Variants in NR6A1 observed in about 807,000 individuals in gnomAD.
NR6A1 encodes the protein retinoic acid receptor-related testis-associated receptor.
Under a neutral mutation model 59.1 loss-of-function variants are expected in NR6A1, and 7 were observed. The observed-to-expected ratio is 0.12, with a 90% CI of 0.07 to 0.22. The LOEUF (loss-of-function observed/expected upper bound fraction) is 0.22. NR6A1 is among the 10% of genes least tolerant of loss of function. The pLI is 1.00. For missense variants in NR6A1, 468 were observed against 611.6 expected (o/e 0.77, Z 2.48); for synonymous variants, 243 against 236.1 (o/e 1.03, Z -0.27).
chr9:124,545,777 C>T (rs1478945395), intron 3 of NR6A1, among the ~76,000 whole-genome samples: 1 of 152,194 alleles, frequency 6.6e-6, no homozygotes, highest in Non-Finnish European at 1.5e-5. Flanking sequence ...TAAAGGGCCA[C>T]ATGTCTTAAA....
intron 6 of NR6A1, among the ~76,000 whole-genome samples, chr9:124,536,651 C>A (rs1029270392): frequency 5.5e-5 from 8 of 146,716 alleles, no homozygotes; most frequent in Non-Finnish European, 8.9e-5. Context: ...GGTGACAGAG[C>A]AAGACTCTGT....
intron 2 of NR6A1, among the ~76,000 whole-genome samples, chr9:124,631,622 A>T (rs1836443050): frequency 2.0e-5 from 3 of 152,166 alleles, no homozygotes; most frequent in Admixed American, 2.0e-4. Flanking sequence ...AAAGACAAAA[A>T]ACTAAAATCT....
intron 2 of NR6A1, among the ~76,000 whole-genome samples, chr9:124,711,492 A>C (rs375484794): frequency 1.3e-5 from 2 of 151,940 alleles, no homozygotes; most frequent in East Asian, 3.9e-4. Context: ...ATCCATGCCC[A>C]AGGAATGGAG....
At chr9:124,603,918 T>C (rs185092391) in intron 2 of NR6A1, among the ~76,000 whole-genome samples, 3 of 152,306 alleles carry the variant, frequency 2.0e-5, no homozygotes, top group Admixed American at 6.5e-5. Flanking sequence ...TTGGCTGTAA[T>C]AAATCTGACA....
In NR6A1 at chr9:124,569,131, G is replaced by GTGC. The variant is rs1044786842; in HGVS notation, c.143-14564_143-14562dup. On this transcript the variant is annotated intron_variant, in intron 2 of 9. Coordinates refer to ENST00000487099, the MANE Select transcript of NR6A1 (RefSeq NM_033334.4). ...CCATCTCAAAAAAAAATGAGCCTCA[G>GTGC]TGCTGCTGCTGCATCACCCATCCCC... Among the ~76,000 whole-genome samples, 16 of 152,116 alleles carry GTGC rather than the reference G, an allele frequency of 1.1e-4. 1 individual carries two copies. Among genetic ancestry groups the GTGC allele is most frequent in the African/African-American group, 3.9e-4 (16 of 41,428 alleles).
intron 2 of NR6A1, among the ~76,000 whole-genome samples, chr9:124,573,633 C>T (rs1392455712): frequency 3.9e-5 from 6 of 152,212 alleles, no homozygotes; most frequent in Admixed American, 3.9e-4. Context: ...TCTTCCTCCA[C>T]ATTTTTATGT....
chr9:124,741,689 T>C (rs920794829), intron 1 of NR6A1, among the ~76,000 whole-genome samples: 1 of 152,186 alleles, frequency 6.6e-6, no homozygotes, highest in Admixed American at 6.5e-5. Context: ...ATTAACACTA[T>C]GGGACAGATG....
chr9:124,519,086 C>T lies in NR6A1; in HGVS notation c.*3619G>A, dbSNP rs1283062395. On this transcript the variant is annotated 3_prime_UTR_variant, in exon 10 of 10. Transcript: ENST00000487099. ...GGAAATGGGTAACAGAGCAATGCAC[C>T]TAGCTCAGAGCCCAGGATTTTAAGG... The T allele has an allele frequency of 6.6e-6, 1 of 152,206 alleles. No homozygotes were observed. The highest frequency in any genetic ancestry group is 1.5e-5 in the Non-Finnish European group (1 of 68,056). 9.4% of individuals were successfully genotyped at this position (152,206 alleles called of 1,614,324 possible).
At chr9:124,769,478 CCTAA>C (rs954582731) in intron 1 of NR6A1, among the ~76,000 whole-genome samples, 1 of 152,192 alleles carries the variant, frequency 6.6e-6, no homozygotes, top group Non-Finnish European at 1.5e-5. Context: ...CAATTGAGCG[CCTAA>C]CTGACCTATT....
At chr9:124,560,839 G>A (rs1834066679) in intron 2 of NR6A1, among the ~76,000 whole-genome samples, 1 of 152,164 alleles carries the variant, frequency 6.6e-6, no homozygotes, top group East Asian at 1.9e-4. Context: ...GGGATTACAG[G>A]CAGGAGTCAC....
intron 2 of NR6A1, among the ~76,000 whole-genome samples, chr9:124,729,868 A>C (rs953910200): frequency 1.3e-5 from 2 of 149,756 alleles, no homozygotes; most frequent in African/African-American, 4.9e-5. Context: ...GCTGGAGTGC[A>C]ATGGCACGAT....
At chr9:124,525,338 G>A (rs566378070) in intron 8 of NR6A1, among the ~76,000 whole-genome samples, 37 of 135,806 alleles carry the variant, frequency 2.7e-4, no homozygotes, top group Admixed American at 2.4e-3. Flanking sequence ...CCTCCTATGC[G>A]CTTCTGTTCT....
At position 124,525,016 on chromosome 9, in the gene NR6A1, G is replaced by A. The variant is rs186078791; in HGVS notation, c.1202-143C>T. ...CACAACAGGAGATCTCCTCTGATAG[G>A]GAGGAACTAAGTTCTACCTAAGGGA... is the stretch of plus-strand genomic sequence containing the variant. On this transcript the variant is annotated intron_variant, in intron 8 of 9. Coordinates refer to ENST00000487099, the MANE Select transcript of NR6A1 (RefSeq NM_033334.4). 2.4e-5 allele frequency: 23 copies of A among 957,256 alleles called. No individual in the cohort carries two copies. In the Admixed American group the frequency reaches 2.8e-4, roughly 12 times the overall value. The allele number at this position is 957,256 out of a possible 1,614,324, so 59.3% of individuals were successfully genotyped here. A position where few individuals can be genotyped will look rare whatever the true frequency, so the allele number is the denominator to read the frequency against.
intron 1 of NR6A1, among the ~76,000 whole-genome samples, chr9:124,761,914 G>C (rs1247023594): frequency 6.6e-6 from 1 of 152,160 alleles, no homozygotes; most frequent in African/African-American, 2.4e-5. Flanking sequence ...GGTAACAAAA[G>C]CTTTATCAGA....
intron 2 of NR6A1, among the ~76,000 whole-genome samples, chr9:124,662,581 G>A (rs1041553645): frequency 6.6e-6 from 1 of 152,126 alleles, no homozygotes; most frequent in African/African-American, 2.4e-5. Flanking sequence ...TACTCACAAT[G>A]TGACTCCTTG....
chr9:124,717,037 G>C (rs990551951), intron 2 of NR6A1, among the ~76,000 whole-genome samples: 2 of 152,192 alleles, frequency 1.3e-5, no homozygotes, highest in African/African-American at 4.8e-5. Context: ...ATCAAGAAAT[G>C]CAAGTTTAAA....
chr9:124,759,223 C>G (rs1237374528), intron 1 of NR6A1, among the ~76,000 whole-genome samples: 1 of 152,180 alleles, frequency 6.6e-6, no homozygotes, highest in East Asian at 1.9e-4. Flanking sequence ...TTTTGTGAGA[C>G]AGAATTTTAA....
At chr9:124,593,146 T>A (rs1290090644) in intron 2 of NR6A1, among the ~76,000 whole-genome samples, 1 of 152,226 alleles carries the variant, frequency 6.6e-6, no homozygotes, top group Non-Finnish European at 1.5e-5. Flanking sequence ...TGTGGCACGA[T>A]ATCACAACTT....
intron 2 of NR6A1, among the ~76,000 whole-genome samples, chr9:124,637,298 CAGG>C (rs1187324789): frequency 6.6e-6 from 1 of 152,068 alleles, no homozygotes; most frequent in Non-Finnish European, 1.5e-5. Context: ...CACTGAATGT[CAGG>C]AGGAGACAGG....
Sources: allele counts gnomAD v4.1 joint callset (sites outside exome capture counted in the v4.1 genomes callset), GRCh38; gene constraint gnomAD v4.1.1; transcripts MANE v1.5; gene names NCBI Gene and HGNC (gene_info 2026-07-23, HGNC 2026-07-21).